C10orf53: variants seen among roughly 807,000 people sequenced by gnomAD.
C10orf53 encodes UPF0728 protein C10orf53.
C10orf53 carries 8 observed loss-of-function variants against 9.4 expected under a neutral mutation model. That is an observed-to-expected ratio of 0.85 (90% CI 0.50 to 1.53). C10orf53 has a LOEUF of 1.53. C10orf53 is among the 40% of genes most tolerant of loss of function. The pLI is 0.00. For missense variants in C10orf53, 117 were observed against 117.8 expected (o/e 0.99, Z 0.03); for synonymous variants, 48 against 46.0 (o/e 1.04, Z -0.18).
rs892420118 is a variant in C10orf53, at chr10:49,688,672, C to G, written c.98-5102C>G. 2.0e-5 allele frequency among the ~76,000 whole-genome samples: 3 copies of G among 149,958 alleles called. No individual in the cohort carries two copies. The East Asian group carries it at 6.1e-4, about 30-fold the overall frequency. On this transcript the variant is annotated intron_variant, in intron 1 of 2. Transcript: ENST00000374111. Reference sequence around the variant, plus strand: ...GCTTCTGCCTATCCTCTCCCTGGCCCGCTGCTGCAGCCACAGCCACCTCCT... The same window carrying G: ...GCTTCTGCCTATCCTCTCCCTGGCCGGCTGCTGCAGCCACAGCCACCTCCT...
chr10:49,687,570 T>C (rs1198064336), intron 1 of C10orf53, among the ~76,000 whole-genome samples: 3 of 152,256 alleles, frequency 2.0e-5, no homozygotes, highest in Non-Finnish European at 4.4e-5. Flanking sequence ...AGCCTCAGTT[T>C]CCTTGTTGGT....
At chr10:49,693,332 A>G (rs1840602369) in intron 1 of C10orf53, among the ~76,000 whole-genome samples, 1 of 152,200 alleles carries the variant, frequency 6.6e-6, no homozygotes, top group African/African-American at 2.4e-5. Context: ...TTCCTGGACT[A>G]AAGATTAGAA....
intron 1 of C10orf53, among the ~76,000 whole-genome samples, chr10:49,688,173 C>T (rs185511092): frequency 6.6e-6 from 1 of 152,242 alleles, no homozygotes; most frequent in East Asian, 1.9e-4. Flanking sequence ...CCCTAGCACT[C>T]ACCCCCACCA....
chr10:49,682,288 G>A (rs956686062), intron 1 of C10orf53, among the ~76,000 whole-genome samples: 1 of 152,132 alleles, frequency 6.6e-6, no homozygotes, highest in Non-Finnish European at 1.5e-5. Context: ...TCCTTCTGGT[G>A]GGTTCATGGT....
At chr10:49,685,797 T>C (rs549872556) in intron 1 of C10orf53, among the ~76,000 whole-genome samples, 51 of 152,228 alleles carry the variant, frequency 3.4e-4, no homozygotes, top group Admixed American at 7.2e-4. Flanking sequence ...TTATAATGTG[T>C]CTTAGTATAA....
At chr10:49,706,605 G>A (rs999027594) in intron 2 of C10orf53, among the ~76,000 whole-genome samples, 1 of 152,010 alleles carries the variant, frequency 6.6e-6, no homozygotes, top group African/African-American at 2.4e-5. Context: ...AGAATAAGGT[G>A]TTTCTTTTTT....
rs906169689 is a variant in C10orf53 at position 49,695,050 on chromosome 10, G to A, written c.*448G>A. 5 of 703,246 alleles carry A rather than the reference G, an allele frequency of 7.1e-6. No individual in the cohort carries two copies. The African/African-American group carries it at 7.7e-5, about 11-fold the overall frequency. The allele number at this position is 703,246 out of a possible 1,614,324, so 43.6% of individuals were successfully genotyped here. On this transcript the variant is annotated 3_prime_UTR_variant, in exon 3 of 3. Transcript: ENST00000374111. ...AGGCTTTTGAAAGTCTGAACCAAAA[G>A]CAAATGTTAATATTTGGAAACCTTG...
intron 1 of C10orf53, among the ~76,000 whole-genome samples, chr10:49,681,542 T>C (rs900160525): frequency 6.6e-6 from 1 of 152,230 alleles, no homozygotes; most frequent in Non-Finnish European, 1.5e-5. Flanking sequence ...ACCTCCATGT[T>C]TGTATTTGTC....
chr10:49,689,676 T>C (rs1473691784), intron 1 of C10orf53, among the ~76,000 whole-genome samples: 8 of 152,018 alleles, frequency 5.3e-5, no homozygotes. Context: ...TACACAGCGC[T>C]GAAGAAGAAT....
At chr10:49,709,499 T>C (rs1590651886) in exon 3 of C10orf53, 1 of 152,348 alleles carries the variant, frequency 6.6e-6, no homozygotes, top group African/African-American at 2.4e-5. Flanking sequence ...TTATCCAGCC[T>C]GCTTCTCCAG....
intron 1 of C10orf53, among the ~76,000 whole-genome samples, chr10:49,693,205 T>A (rs1469626925): frequency 2.0e-5 from 3 of 152,200 alleles, no homozygotes; most frequent in Non-Finnish European, 4.4e-5. Context: ...GTCCTCTCAT[T>A]ATTGGATATG....
chr10:49,699,023 G>C (rs943732997), downstream of C10orf53, among the ~76,000 whole-genome samples: 3 of 152,092 alleles, frequency 2.0e-5, no homozygotes, highest in African/African-American at 7.2e-5. Context: ...AGAAAAGCTG[G>C]AAATCTGGAT....
chr10:49,698,629 A>C (rs1475628415), downstream of C10orf53, among the ~76,000 whole-genome samples: 1 of 152,204 alleles, frequency 6.6e-6, no homozygotes. Context: ...GGTAAAAGAC[A>C]AGAAAGTGCT....
chr10:49,691,230 T>G (rs1840581115), intron 1 of C10orf53, among the ~76,000 whole-genome samples: 1 of 152,222 alleles, frequency 6.6e-6, no homozygotes, highest in African/African-American at 2.4e-5. Context: ...GTTTGATCCC[T>G]TAAGCCTGCA....
Position 49,695,906 on chromosome 10 carries a change from A to C in C10orf53, c.*1304A>C, listed in dbSNP as rs1840630292. On this transcript the variant is annotated 3_prime_UTR_variant, in exon 3 of 3. Coordinates refer to ENST00000374111, the MANE Select transcript of C10orf53 (RefSeq NM_001042427.3). Reference sequence around the variant, plus strand: ...CCCTACATTTAGTCCCTTTTTTTCAAAACCCAGTTTAAGTTACTATAGATG... The same window carrying C: ...CCCTACATTTAGTCCCTTTTTTTCACAACCCAGTTTAAGTTACTATAGATG... The C allele has an allele frequency of 6.6e-6, 1 of 152,082 alleles. No individual in the cohort carries two copies. Among genetic ancestry groups the C allele is most frequent in the South Asian group, 2.1e-4 (1 of 4,828 alleles). 9.4% of individuals were successfully genotyped at this position (152,082 alleles called of 1,614,324 possible).
At position 49,697,284 on chromosome 10, in the gene C10orf53, A is replaced by T. The variant is rs929522082; in HGVS notation, c.*2682A>T. ...ATTAAGAGGAACTTTCTCTATGGAAATCTCTGAAGAATGTGCTGTCATCCT... is the reference window on the plus strand; with the variant it reads ...ATTAAGAGGAACTTTCTCTATGGAATTCTCTGAAGAATGTGCTGTCATCCT... On this transcript the variant is annotated 3_prime_UTR_variant, in exon 3 of 3. Transcript: ENST00000374111. Among the ~76,000 whole-genome samples the T allele has an allele frequency of 1.3e-5, 2 of 152,110 alleles. No homozygotes were observed. Among genetic ancestry groups the T allele is most frequent in the Non-Finnish European group, 2.9e-5 (2 of 68,010 alleles).
chr10:49,691,916 TG>T (rs1187149104), intron 1 of C10orf53, among the ~76,000 whole-genome samples: 1 of 152,132 alleles, frequency 6.6e-6, no homozygotes, highest in East Asian at 1.9e-4. Context: ...AGGTGGAGGT[TG>T]GGGGGTGCGG....
chr10:49,682,790 C>A (rs181316568), intron 1 of C10orf53, among the ~76,000 whole-genome samples: 1 of 151,614 alleles, frequency 6.6e-6, no homozygotes, highest in African/African-American at 2.4e-5. Context: ...AGTCCCCACC[C>A]GACCCAGAAG....
rs1422570568 is a variant in C10orf53 at position 49,695,912 on chromosome 10, A to G, written c.*1310A>G. ...ATTTAGTCCCTTTTTTTCAAAACCC[A>G]GTTTAAGTTACTATAGATGTAGCAT... On this transcript the variant is annotated 3_prime_UTR_variant, in exon 3 of 3. Transcript: ENST00000374111. 1 of 152,228 alleles carries G rather than the reference A, an allele frequency of 6.6e-6. No homozygotes were observed. Among genetic ancestry groups the G allele is most frequent in the South Asian group, 2.1e-4 (1 of 4,824 alleles). 9.4% of individuals were successfully genotyped at this position (152,228 alleles called of 1,614,324 possible).
Sources: gnomAD v4.1 joint callset for allele counts (sites outside exome capture counted in the v4.1 genomes callset) on GRCh38, gnomAD v4.1.1 for gene constraint, MANE v1.5 for transcripts, NCBI Gene and HGNC (gene_info 2026-07-23, HGNC 2026-07-21) for gene names.